STX1A: variants seen among roughly 807,000 people sequenced by gnomAD.
STX1A encodes syntaxin 1A.
Under a neutral mutation model 37.8 loss-of-function variants are expected in STX1A, and 4 were observed. The ratio of observed to expected loss-of-function variants is 0.11; its 90% CI spans 0.05 to 0.24. The LOEUF (loss-of-function observed/expected upper bound fraction) is 0.24. STX1A is among the 10% of genes least tolerant of loss of function. STX1A has a pLI of 1.00. For synonymous variants in STX1A, 135 were observed against 147.4 expected, an observed-to-expected ratio of 0.92 and a Z score of 0.61; for missense variants, 251 against 399.9, an observed-to-expected ratio of 0.63 and a Z score of 3.18.
Position 73,705,151 on chromosome 7 carries a change from C to T in STX1A, c.282G>A (p.Lys94=), listed in dbSNP as rs782219643. 3 of 1,613,734 alleles carry T rather than the reference C, an allele frequency of 1.9e-6. No homozygotes were observed. The highest frequency in any genetic ancestry group is 2.2e-5 in the South Asian group (2 of 91,082). ...CACCCCCAGACAAGCCTGACTCACT[C>T]TTTAACTTGGAACGAACTTTGTTTG... The part of the protein sequence containing the change: ...KTANKVRSKL[K]SIEQSIEQEE... Residue 94 remains lysine, a splice_region_variant and synonymous_variant, in exon 4 of 10, where the codon AAG becomes AAA. Transcript: ENST00000222812. This position sits in a 1 kb window ranked among gnomAD's most constrained non-coding sequence, Gnocchi z 5.2.
At chr7:73,712,032 C>T (rs904054395) in intron 1 of STX1A, among the ~76,000 whole-genome samples, 4 of 152,086 alleles carry the variant, frequency 2.6e-5, no homozygotes, top group Non-Finnish European at 5.9e-5. Flanking sequence ...TCTGGACCCT[C>T]CGTCTATGAG....
At chr7:73,708,917 A>T (rs1554617523) in intron 2 of STX1A, 128 bp downstream of exon 2, 2 of 1,087,884 alleles carry the variant, frequency 1.8e-6, no homozygotes, top group East Asian at 4.7e-5. Context: ...AAAACGGTTC[A>T]TTCGTTGGCA....
chr7:73,704,456 A>G (rs782380823), intron 4 of STX1A, 33 bp from the exon 5 acceptor site: 1 of 1,613,384 alleles, frequency 6.2e-7, no homozygotes, highest in Non-Finnish European at 8.5e-7. Context: ...AGTCATAACC[A>G]GGCCCCTTCA....
At chr7:73,704,761 G>GT (rs1368954551) in intron 4 of STX1A, 1 of 509,826 alleles carries the variant, frequency 2.0e-6, no homozygotes, top group Non-Finnish European at 3.6e-6. Context: ...GGAGAGCCAG[G>GT]TGGCCCCTCC....
chr7:73,703,568 C>T, intron 7 of STX1A, 187 bp downstream of exon 7: 2 of 772,584 alleles, frequency 2.6e-6, no homozygotes, highest in Non-Finnish European at 4.5e-6. Flanking sequence ...GGTCTTGAGT[C>T]CACCTTTGCC....
chr7:73,703,891 G>A (rs989946554), intron 6 of STX1A, 63 bp from the exon 7 acceptor site: 297 of 1,548,076 alleles, frequency 1.9e-4, no homozygotes, highest in Non-Finnish European at 2.4e-4. Flanking sequence ...GCAGCATTGG[G>A]CCCCGCCCCC....
At position 73,705,276 on chromosome 7, in the gene STX1A, A is replaced by G. The variant is rs375176524; in HGVS notation, c.209-52T>C. On this transcript the variant is annotated intron_variant, in intron 3 of 9. Transcript: ENST00000222812. The surrounding 1 kb of genome is among the most constrained non-coding windows in gnomAD (Gnocchi z 5.2). Reference sequence around the variant, plus strand: ...GGCCTCCTAGGCTCCGCGGGGACTGATGTGCAGGCTCAGCCTCCAGCCCAG... The same window carrying G: ...GGCCTCCTAGGCTCCGCGGGGACTGGTGTGCAGGCTCAGCCTCCAGCCCAG... 1 of 1,486,480 alleles carries G rather than the reference A, an allele frequency of 6.7e-7. No homozygotes were observed. Among genetic ancestry groups the G allele is most frequent in the Non-Finnish European group, 9.4e-7 (1 of 1,065,760 alleles). 92.1% of individuals were successfully genotyped at this position (1,486,480 alleles called of 1,614,324 possible). A position where few individuals can be genotyped will look rare whatever the true frequency, so the allele number is the denominator to read the frequency against.
intron 6 of STX1A, 30 bp downstream of exon 6, chr7:73,704,118 G>GCCCCCCC: frequency 1.2e-5 from 19 of 1,548,366 alleles, no homozygotes; most frequent in Non-Finnish European, 1.7e-5. Flanking sequence ...CAGGCTCCAG[G>GCCCCCCC]CCCCGCCCCA....
chr7:73,718,240 C>G (rs554563242), intron 1 of STX1A, among the ~76,000 whole-genome samples: 1 of 152,236 alleles, frequency 6.6e-6, no homozygotes, highest in South Asian at 2.1e-4. Context: ...GGGGTTTACA[C>G]CAGGGGCTGG....
chr7:73,708,577 CCA>C lies in STX1A; in HGVS notation c.208+10_208+11del. 1 of 1,612,314 alleles carries C rather than the reference CCA, an allele frequency of 6.2e-7. No individual in the cohort carries two copies. The highest frequency in any genetic ancestry group is 8.5e-7 in the Non-Finnish European group (1 of 1,179,078). ...TGGGGCCTGAAACCCGTCCCCCGCC[CCA>C]CACACTCACTCTCATCGGGGTTGGG... is the stretch of plus-strand genomic sequence containing the variant. On this transcript the variant is annotated intron_variant, in intron 3 of 9. Transcript: ENST00000222812.
intron 1 of STX1A, among the ~76,000 whole-genome samples, chr7:73,714,426 A>G (rs180729634): frequency 1.3e-5 from 2 of 151,570 alleles, no homozygotes; most frequent in East Asian, 3.9e-4. Context: ...TTTGAAACAG[A>G]ATCTCGCTTT....
At chr7:73,713,883 G>T (rs998488139) in intron 1 of STX1A, among the ~76,000 whole-genome samples, 16 of 152,234 alleles carry the variant, frequency 1.1e-4, no homozygotes, top group Admixed American at 9.2e-4. Context: ...GCAGGTGGCA[G>T]CTGGAACTGT....
At chr7:73,719,468 GC>G (rs1220415453) in intron 1 of STX1A, 133 bp downstream of exon 1, 33 of 922,876 alleles carry the variant, frequency 3.6e-5, no homozygotes, top group Middle Eastern at 8.3e-4. Flanking sequence ...TCCCTGGCTC[GC>G]CCCGCTCCCT....
In STX1A at chr7:73,702,998, G is replaced by A. The variant is rs782161228; in HGVS notation, c.541-16C>T. On this transcript the variant is annotated splice_polypyrimidine_tract_variant and intron_variant, in intron 7 of 9. Transcript: ENST00000222812. The surrounding 1 kb of genome is among the most constrained non-coding windows in gnomAD (Gnocchi z 4.7). Reference sequence around the variant, plus strand: ...CCATGATGATCTGGGGGTGGGAGCAGGGGGCTGGGACCCAGAGGCTTGCTG... The same window carrying A: ...CCATGATGATCTGGGGGTGGGAGCAAGGGGCTGGGACCCAGAGGCTTGCTG... 59 of 1,585,572 alleles carry A rather than the reference G, an allele frequency of 3.7e-5. No homozygotes were observed. Among genetic ancestry groups the A allele is most frequent in the Non-Finnish European group, 4.4e-5 (51 of 1,166,888 alleles).
At chr7:73,704,532 G>A in intron 4 of STX1A, 109 bp from the exon 5 acceptor site, 1 of 1,386,678 alleles carries the variant, frequency 7.2e-7, no homozygotes, top group Non-Finnish European at 1.0e-6. Context: ...GTATGTGTGT[G>A]GCCTGTGGCT....
chr7:73,712,281 C>T (rs1260990573), intron 1 of STX1A, among the ~76,000 whole-genome samples: 2 of 152,072 alleles, frequency 1.3e-5, no homozygotes, highest in African/African-American at 4.8e-5. Flanking sequence ...ACCCCCAGCT[C>T]TGCTCTTTAT....
chr7:73,718,961 G>GC (rs577689799), intron 1 of STX1A, among the ~76,000 whole-genome samples: 2,613 of 145,574 alleles, frequency 0.018, 30 homozygotes, highest in African/African-American at 0.029. Flanking sequence ...CGGGTGTGAC[G>GC]CCCCCCCCCC....
In STX1A at chr7:73,715,427, C is replaced by CAA. The variant is rs58545910; in HGVS notation, c.30+4173_30+4174dup. 1.5e-4 allele frequency among the ~76,000 whole-genome samples: 22 copies of CAA among 147,088 alleles called. 1 individual carries two copies. Among genetic ancestry groups the CAA allele is most frequent in the South Asian group, 4.3e-4 (2 of 4,648 alleles). On this transcript the variant is annotated intron_variant, in intron 1 of 9. Coordinates refer to ENST00000222812, the MANE Select transcript of STX1A (RefSeq NM_004603.4). Reference sequence around the variant, plus strand: ...CAGTGCGAGACTCCGTCTAAAAAAACAAAAAAAAAACCAACAAAAAACACC... The same window carrying CAA: ...CAGTGCGAGACTCCGTCTAAAAAAACAAAAAAAAAAAACCAACAAAAAACACC...
Position 73,705,584 on chromosome 7 carries a change from G to GA in STX1A, c.209-361dup, listed in dbSNP as rs1798839642. The GA allele has an allele frequency of 7.0e-6, 2 of 284,116 alleles. No homozygotes were observed. Among genetic ancestry groups the GA allele is most frequent in the African/African-American group, 4.4e-5 (2 of 45,294 alleles). 17.6% of individuals were successfully genotyped at this position (284,116 alleles called of 1,614,324 possible). A position where few individuals can be genotyped will look rare whatever the true frequency, so the allele number is the denominator to read the frequency against. ...CAGTGACTTGATGCTTGCTGGAGTT[G>GA]AAGGGGTGGGGGGGCGGTGTGGGCT... On this transcript the variant is annotated intron_variant, in intron 3 of 9. Transcript: ENST00000222812. The surrounding 1 kb of genome is among the most constrained non-coding windows in gnomAD (Gnocchi z 5.2).
Sources: gnomAD v4.1 joint callset for allele counts (sites outside exome capture counted in the v4.1 genomes callset) on GRCh38, gnomAD v4.1.1 for gene constraint, Gnocchi (gnomAD v3.1) non-coding constraint, MANE v1.5 for transcripts, NCBI Gene and HGNC (gene_info 2026-07-23, HGNC 2026-07-21) for gene names.